The following OTUD4 variants were observed in gnomAD, a reference collection of about 807,000 sequenced individuals.
OTUD4 encodes the protein OTU deubiquitinase 4, also known as OTU domain-containing protein 4.
Under a neutral mutation model 130.4 loss-of-function variants are expected in OTUD4, and 24 were observed. The observed-to-expected ratio is 0.18, with a 90% CI of 0.13 to 0.26. The LOEUF (loss-of-function observed/expected upper bound fraction) is 0.26. OTUD4 is among the 10% of genes least tolerant of loss of function. OTUD4 has a pLI of 1.00. For synonymous variants in OTUD4, 420 were observed against 472.5 expected, an observed-to-expected ratio of 0.89 and a Z score of 1.44; for missense variants, 1,031 against 1,329.4, an observed-to-expected ratio of 0.78 and a Z score of 3.49.
chr4:145,159,509 C>T lies in OTUD4; in HGVS notation c.623G>A (p.Ser208Asn). ...NSEISDSEDD[S>N]CKSKTAAAAA... is the part of the protein sequence containing the mutation. ...TTTAGGATTTCATTCTTACTTGCAA[C>T]TGTCATCCTCTGAATCTGATATTTC... Residue 208 changes from serine to asparagine, a missense_variant, in exon 7 of 21, where the codon AGT (serine) becomes AAT (asparagine). Ser to Asn is a conservative substitution (Grantham distance 46). Transcript: ENST00000447906. 3 of 1,613,510 alleles carry T rather than the reference C, an allele frequency of 1.9e-6. No individual in the cohort carries two copies. Among genetic ancestry groups the T allele is most frequent in the Non-Finnish European group, 2.5e-6 (3 of 1,179,686 alleles).
At position 145,138,561 on chromosome 4, in the gene OTUD4, G is replaced by C; in HGVS notation, c.2214C>G (p.Val738=). The C allele has an allele frequency of 6.2e-7, 1 of 1,614,128 alleles. No individual in the cohort carries two copies. The highest frequency in any genetic ancestry group is 8.5e-7 in the Non-Finnish European group (1 of 1,180,014). The part of the protein sequence containing the change: ...YLAACRMYPK[V]PVPVYPHNPW... ...GATTATGAGGATAAACAGGGACAGG[G>C]ACCTTTGGGTACATCCTGCAGGCTG... Residue 738 remains valine, a synonymous_variant, in exon 21 of 21, where the codon GTC becomes GTG. Transcript: ENST00000447906.
Position 145,178,712 on chromosome 4 carries a change from T to C in OTUD4, c.159+1103A>G, listed in dbSNP as rs866046791. The C allele has an allele frequency of 3.9e-5, 6 of 152,334 alleles. 1 individual carries two copies. The highest frequency in any genetic ancestry group is 7.2e-5 in the African/African-American group (3 of 41,572). The allele number at this position is 152,334 out of a possible 1,614,324, so 9.4% of individuals were successfully genotyped here. A position where few individuals can be genotyped will look rare whatever the true frequency, so the allele number is the denominator to read the frequency against. ...AAGAAAGATTTTACGCTACCTATGG[T>C]AAATAAATGGCTTGCCTTTCAATGT... On this transcript the variant is annotated intron_variant, in intron 1 of 20. Coordinates refer to ENST00000447906, the MANE Select transcript of OTUD4 (RefSeq NM_001366057.1).
At chr4:145,179,407 C>G (rs1043436644) in intron 1 of OTUD4, among the ~76,000 whole-genome samples, 2 of 152,230 alleles carry the variant, frequency 1.3e-5, no homozygotes, top group African/African-American at 4.8e-5. Flanking sequence ...TGATCCACCA[C>G]TTCTAGTAAA....
At chr4:145,140,427 CAGTT>C (rs539211462) in intron 19 of OTUD4, among the ~76,000 whole-genome samples, 30 of 152,240 alleles carry the variant, frequency 2.0e-4, no homozygotes, top group Admixed American at 1.0e-3. Context: ...TGCCATGAGC[CAGTT>C]ACTCATAGAC....
chr4:145,161,791 G>A (rs1751583704), intron 6 of OTUD4, among the ~76,000 whole-genome samples: 2 of 152,234 alleles, frequency 1.3e-5, no homozygotes, highest in South Asian at 4.1e-4. Flanking sequence ...ATGCTGCCCC[G>A]GAGCCAAATA....
intron 13 of OTUD4, among the ~76,000 whole-genome samples, chr4:145,147,960 T>A (rs1286029403): frequency 6.6e-6 from 1 of 152,200 alleles, no homozygotes; most frequent in African/African-American, 2.4e-5. Flanking sequence ...AATACATTAG[T>A]AAAATTCACT....
chr4:145,178,247 A>AT (rs1265515584), intron 1 of OTUD4: 1 of 152,222 alleles, frequency 6.6e-6, no homozygotes, highest in Admixed American at 6.5e-5. Flanking sequence ...TATCTATGGT[A>AT]TGCACTACGG....
At chr4:145,173,920 A>T (rs747039771) in intron 2 of OTUD4, among the ~76,000 whole-genome samples, 7 of 152,212 alleles carry the variant, frequency 4.6e-5, no homozygotes, top group Admixed American at 1.3e-4. Context: ...TGAACCCTGA[A>T]AATTAAAAAC....
At chr4:145,175,456 T>A (rs934088957) in intron 1 of OTUD4, among the ~76,000 whole-genome samples, 24 of 152,240 alleles carry the variant, frequency 1.6e-4, no homozygotes, top group Non-Finnish European at 2.9e-5. Flanking sequence ...GTTTACATTT[T>A]CTTCTATTAA....
At position 145,137,392 on chromosome 4, in the gene OTUD4, C is replaced by G. The variant is rs377758498; in HGVS notation, c.*38G>C. On this transcript the variant is annotated 3_prime_UTR_variant, in exon 21 of 21. Transcript: ENST00000447906. ...TTTAAAGCCTTCAGAAACATTCCAC[C>G]TAAGAGTTTCTGTTAGAAAATACTT... 1.3e-6 allele frequency: 2 copies of G among 1,524,076 alleles called. No homozygotes were observed. The highest frequency in any genetic ancestry group is 1.8e-6 in the Non-Finnish European group (2 of 1,119,080). The allele number at this position is 1,524,076 out of a possible 1,614,324, so 94.4% of individuals were successfully genotyped here.
chr4:145,155,492 G>A lies in OTUD4; in HGVS notation c.809-17C>T. ...TTTGCTGAGCTGTTAAAAAAAAAAA[G>A]GTCAGTATAATATAAAGTTGACTTA... On this transcript the variant is annotated splice_polypyrimidine_tract_variant and intron_variant, in intron 9 of 20. Coordinates refer to ENST00000447906, the MANE Select transcript of OTUD4 (RefSeq NM_001366057.1). 1.3e-6 allele frequency: 2 copies of A among 1,583,960 alleles called. No individual in the cohort carries two copies. The highest frequency in any genetic ancestry group is 1.7e-5 in the Admixed American group (1 of 58,092).
chr4:145,141,588 C>A lies in OTUD4; in HGVS notation c.1874G>T (p.Gly625Val). The change falls in exon 19 of 21, where the codon GGA (glycine) becomes GTA (valine). Residue 625 changes from glycine (G) to valine (V), a missense_variant. By Grantham distance (109) the Gly-to-Val change is moderately radical. Transcript: ENST00000447906. ...AGCTTGGGATACAGCTGAATCAGGT[C>A]CAGTGGTCAAAGTCTGTGTCACTGA... ...VLSVTQTLTT[G>V]PDSAVSQAHL... The A allele has an allele frequency of 1.3e-6, 2 of 1,592,064 alleles. No homozygotes were observed. The highest frequency in any genetic ancestry group is 2.3e-5 in the South Asian group (2 of 87,726).
At chr4:145,147,888 C>A (rs1420138859) in intron 13 of OTUD4, among the ~76,000 whole-genome samples, 1 of 152,152 alleles carries the variant, frequency 6.6e-6, no homozygotes, top group East Asian at 1.9e-4. Flanking sequence ...CTATAAAATT[C>A]TAAAATCTGA....
intron 11 of OTUD4, among the ~76,000 whole-genome samples, chr4:145,152,146 CG>C (rs1751095039): frequency 6.6e-6 from 1 of 152,072 alleles, no homozygotes; most frequent in Non-Finnish European, 1.5e-5. Flanking sequence ...TTTTTTAAGA[CG>C]AAGTCTAGCT....
In OTUD4 at chr4:145,141,621, G is replaced by A; in HGVS notation, c.1841C>T (p.Pro614Leu). ...FGPTGVPAPI[P>L]VLSVTQTLTT... ...CAAAGTCTGTGTCACTGACAAAACGGGAATTGGAGCAGGGACACCTACAAA... is the reference window on the plus strand; with the variant it reads ...CAAAGTCTGTGTCACTGACAAAACGAGAATTGGAGCAGGGACACCTACAAA... The change falls in exon 19 of 21, where the codon CCC becomes CTC. Residue 614 changes from proline to leucine, a missense_variant. Around this residue, in one of 3 missense-constraint regions of OTUD4, gnomAD observed 900 missense variants for 1,095.9 expected, o/e 0.82. Transcript: ENST00000447906. 2 of 1,534,704 alleles carry A rather than the reference G, an allele frequency of 1.3e-6. No individual in the cohort carries two copies. Among genetic ancestry groups the A allele is most frequent in the Non-Finnish European group, 8.8e-7 (1 of 1,140,524 alleles).
intron 7 of OTUD4, among the ~76,000 whole-genome samples, chr4:145,156,601 T>A (rs968901216): frequency 2.0e-5 from 3 of 151,802 alleles, no homozygotes; most frequent in African/African-American, 7.3e-5. Flanking sequence ...GAGAATCGCT[T>A]GAACCCGGGA....
chr4:145,149,262 A>T (rs559777041), intron 13 of OTUD4, among the ~76,000 whole-genome samples: 1 of 152,150 alleles, frequency 6.6e-6, no homozygotes, highest in East Asian at 1.9e-4. Context: ...AACCTCAAGG[A>T]CTGCAGTCAA....
At chr4:145,150,988 T>C (rs1579256872) in intron 11 of OTUD4, 83 bp from the exon 12 acceptor site, 3 of 764,466 alleles carry the variant, frequency 3.9e-6, no homozygotes, top group African/African-American at 3.5e-5. Context: ...TTTCAGCTTA[T>C]ATAAGAATTT....
chr4:145,174,547 T>C, intron 2 of OTUD4, 114 bp downstream of exon 2: 1 of 633,834 alleles, frequency 1.6e-6, no homozygotes. Flanking sequence ...TAATAAGTGT[T>C]ATTTTCATAA....
Sources: allele counts gnomAD v4.1 joint callset (sites outside exome capture counted in the v4.1 genomes callset), GRCh38; gene constraint gnomAD v4.1.1; regional missense constraint gnomAD v4.1.1; transcripts MANE v1.5; gene names NCBI Gene and HGNC (gene_info 2026-07-23, HGNC 2026-07-21).